The following EPRS1 variants were observed in gnomAD, a reference collection of about 807,000 sequenced individuals.
EPRS1 encodes glutamyl-prolyl-tRNA synthetase 1, also known as bifunctional glutamate/proline--tRNA ligase.
EPRS1 carries 107 observed loss-of-function variants against 188.3 expected under a neutral mutation model. The ratio of observed to expected loss-of-function variants is 0.57; its 90% CI spans 0.49 to 0.67. The LOEUF (loss-of-function observed/expected upper bound fraction) is 0.67, where lower values mean the gene tolerates loss of function less well. EPRS1 is among the 30% of genes least tolerant of loss of function. EPRS1 has a pLI of 0.00. For missense variants in EPRS1, 1,577 were observed against 1,802.2 expected (o/e 0.88, Z 2.26); for synonymous variants, 596 against 593.1 (o/e 1.00, Z -0.07).
chr1:220,011,593 A>T (rs572183643), intron 12 of EPRS1, among the ~76,000 whole-genome samples: 1 of 152,350 alleles, frequency 6.6e-6, no homozygotes, highest in South Asian at 2.1e-4. Context: ...CTACTGGTTT[A>T]CATGCTATAT....
intron 3 of EPRS1, among the ~76,000 whole-genome samples, chr1:220,034,195 A>G (rs138415252): frequency 1.3e-4 from 20 of 152,324 alleles, no homozygotes; most frequent in African/African-American, 4.1e-4. Flanking sequence ...CAATGGTCCC[A>G]TAAGATTATA....
chr1:219,985,175 T>C (rs1660983621), intron 20 of EPRS1, among the ~76,000 whole-genome samples: 1 of 152,112 alleles, frequency 6.6e-6, no homozygotes, highest in South Asian at 2.1e-4. Flanking sequence ...AGACATCTCT[T>C]TTACAAGGTT....
chr1:220,033,602 A>G lies in EPRS1; in HGVS notation c.288T>C (p.Thr96=), dbSNP rs754719400. Residue 96 remains threonine (T), a synonymous_variant, in exon 4 of 32, where the codon ACT becomes ACC. Transcript: ENST00000366923. ...ATKLSSCDSF[T]STINELNHCL... ...AATGATTGAGTTCATTAATTGTAGA[A>G]GTAAAGGAATCACATGAAGATAATT... is the stretch of plus-strand genomic sequence containing the variant. 4 of 1,608,958 alleles carry G rather than the reference A, an allele frequency of 2.5e-6. No homozygotes were observed. Among genetic ancestry groups the G allele is most frequent in the Non-Finnish European group, 3.4e-6 (4 of 1,175,532 alleles).
At chr1:219,982,224 GCATTTC>G (rs1660913256) in intron 23 of EPRS1, among the ~76,000 whole-genome samples, 1 of 152,064 alleles carries the variant, frequency 6.6e-6, no homozygotes, top group South Asian at 2.1e-4. Context: ...TTTTCCAACA[GCATTTC>G]CATTTACCAT....
intron 23 of EPRS1, chr1:219,982,564 T>A (rs1660919247): frequency 5.2e-6 from 2 of 383,274 alleles, no homozygotes; most frequent in Non-Finnish European, 9.3e-6. Flanking sequence ...AAAAATCCTA[T>A]AATTTAATGA....
Position 219,969,828 on chromosome 1 carries a change from AT to A in EPRS1, c.4324-707del, listed in dbSNP as rs570999239. On this transcript the variant is annotated intron_variant, in intron 30 of 31. Transcript: ENST00000366923. ...CAGACTAGACAAGCATTAAAAAAAA[AT>A]TTTTTTTTTGAGACACAGTCTTACT... 6.2e-4 allele frequency among the ~76,000 whole-genome samples: 93 copies of A among 150,514 alleles called. 1 individual carries two copies. The highest frequency in any genetic ancestry group is 2.1e-3 in the African/African-American group (85 of 41,074).
At chr1:219,983,499 C>A (rs1660939543) in intron 21 of EPRS1, 101 bp from the exon 22 acceptor site, 7 of 736,366 alleles carry the variant, frequency 9.5e-6, no homozygotes, top group Non-Finnish European at 1.6e-5. Context: ...GAGGCTTCTA[C>A]TGTTGATAAC....
intron 1 of EPRS1, among the ~76,000 whole-genome samples, chr1:220,043,701 C>T (rs1662340920): frequency 6.6e-6 from 1 of 152,094 alleles, no homozygotes; most frequent in South Asian, 2.1e-4. Flanking sequence ...AAACAAAGAG[C>T]CTGAATCTAG....
chr1:220,001,467 G>A (rs1023560318), intron 16 of EPRS1, among the ~76,000 whole-genome samples: 2 of 152,222 alleles, frequency 1.3e-5, no homozygotes, highest in Middle Eastern at 3.4e-3. Context: ...CTGCGTTCAA[G>A]TGATTCTCCT....
At chr1:219,969,007 A>T in intron 31 of EPRS1, 51 bp from the exon 32 acceptor site, 4 of 1,610,004 alleles carry the variant, frequency 2.5e-6, no homozygotes, top group Non-Finnish European at 3.4e-6. Context: ...GCAAATTGCT[A>T]TTCCTTTCCA....
intron 9 of EPRS1, among the ~76,000 whole-genome samples, chr1:220,022,097 G>A (rs902863003): frequency 6.6e-6 from 1 of 152,078 alleles, no homozygotes; most frequent in African/African-American, 2.4e-5. Flanking sequence ...TACAAAAAAA[G>A]CAACTCTAGG....
intron 28 of EPRS1, among the ~76,000 whole-genome samples, chr1:219,974,637 A>T (rs192724999): frequency 3.3e-5 from 5 of 152,206 alleles, no homozygotes; most frequent in Non-Finnish European, 5.9e-5. Context: ...AGAAGTCCTT[A>T]TTTACCCCTA....
chr1:220,028,267 G>A (rs1271893535), intron 6 of EPRS1, among the ~76,000 whole-genome samples: 1 of 152,144 alleles, frequency 6.6e-6, no homozygotes, highest in Non-Finnish European at 1.5e-5. Context: ...TACAGTTAAT[G>A]TGCTTGGCTT....
rs758660752 is a variant in EPRS1, at chr1:220,005,333, A to G, written c.1978T>C (p.Cys660Arg). 3.0e-5 allele frequency: 48 copies of G among 1,593,408 alleles called. 1 individual carries two copies. The South Asian group carries it at 5.1e-4, about 17-fold the overall frequency. The change falls in exon 16 of 32, where the codon TGC becomes CGC. Residue 660 changes from cysteine to arginine, a missense_variant. This residue lies in a region of EPRS1 where 1,278 missense variants were observed against 1,457.4 expected (regional missense o/e 0.88). Coordinates refer to ENST00000366923, the MANE Select transcript of EPRS1 (RefSeq NM_004446.3). ...TCTCCTTTTTTCAAATCCTTAAGGC[A>G]GGGATCCCCTAGCATTAGCTCTTCA... is the stretch of plus-strand genomic sequence containing the variant. ...KHEELMLGDP[C>R]LKDLKKGDII... is the part of the protein sequence containing the mutation.
chr1:219,985,479 A>T (rs1199729902), intron 20 of EPRS1, among the ~76,000 whole-genome samples: 1 of 151,306 alleles, frequency 6.6e-6, no homozygotes, highest in African/African-American at 2.4e-5. Flanking sequence ...TGCAACCTCC[A>T]CCTCCCAGGT....
chr1:220,023,557 G>C (rs1661915666), intron 8 of EPRS1, among the ~76,000 whole-genome samples: 1 of 152,142 alleles, frequency 6.6e-6, no homozygotes, highest in African/African-American at 2.4e-5. Context: ...GGTTAGTACT[G>C]AGCTTGTACT....
At chr1:220,007,699 G>C (rs1398509458) in intron 13 of EPRS1, among the ~76,000 whole-genome samples, 2 of 152,192 alleles carry the variant, frequency 1.3e-5, no homozygotes, top group Non-Finnish European at 2.9e-5. Context: ...AAGACTCATT[G>C]ATTTCACAGC....
At chr1:220,019,933 T>C in intron 10 of EPRS1, 55 bp downstream of exon 10, 1 of 1,252,392 alleles carries the variant, frequency 8.0e-7, no homozygotes, top group Non-Finnish European at 1.2e-6. Context: ...AGTTTAAAAA[T>C]CACTGATCTA....
rs1558267205 is a variant in EPRS1, at chr1:219,968,815, G to T, written c.4530C>A (p.Arg1510=). ...GGCTTTCGTTCATCCCTCAGTAGCT[G>T]CGACCAAATAAGGTGTAGTACTTGG... ...NPAKYYTLFG[R]SY is the part of the protein sequence containing the mutation. The change falls in exon 32 of 32, where the codon CGC becomes CGA. Residue 1510 remains arginine (R), a synonymous_variant. Coordinates refer to ENST00000366923, the MANE Select transcript of EPRS1 (RefSeq NM_004446.3). The T allele has an allele frequency of 1.2e-6, 2 of 1,614,102 alleles. No homozygotes were observed. Among genetic ancestry groups the T allele is most frequent in the East Asian group, 4.5e-5 (2 of 44,876 alleles).
Sources: gnomAD v4.1 joint callset for allele counts (sites outside exome capture counted in the v4.1 genomes callset) on GRCh38, gnomAD v4.1.1 for gene constraint, gnomAD v4.1.1 regional missense constraint, MANE v1.5 for transcripts, NCBI Gene and HGNC (gene_info 2026-07-23, HGNC 2026-07-21) for gene names.